Variants in PLVAP observed in about 807,000 individuals in gnomAD.
PLVAP encodes the protein plasmalemma vesicle associated protein.
In PLVAP, 34 loss-of-function variants were observed where a neutral mutation model predicts 43.1. The ratio of observed to expected loss-of-function variants is 0.79; its 90% CI spans 0.60 to 1.05. The LOEUF (loss-of-function observed/expected upper bound fraction) is 1.05. Among genes scored for constraint, PLVAP ranks in the 50% least tolerant of loss-of-function variants. PLVAP has a pLI of 0.00. For missense variants in PLVAP, 574 were observed against 593.4 expected (o/e 0.97, Z 0.34); for synonymous variants, 241 against 237.3 (o/e 1.02, Z -0.14).
intron 5 of PLVAP, among the ~76,000 whole-genome samples, chr19:17,353,239 AT>A (rs942655645): frequency 6.6e-6 from 1 of 151,918 alleles, no homozygotes; most frequent in African/African-American, 2.4e-5. Flanking sequence ...CCCAGACTCC[AT>A]CCTCAACCAG....
chr19:17,358,202 G>A (rs1350271974), intron 5 of PLVAP, among the ~76,000 whole-genome samples: 1 of 150,356 alleles, frequency 6.7e-6, no homozygotes, highest in Non-Finnish European at 1.5e-5. Context: ...GCCATCTAGA[G>A]CAAAGGGGTT....
Position 17,365,568 on chromosome 19 carries a change from G to C in PLVAP, c.897C>G (p.Arg299=). The C allele has an allele frequency of 6.2e-7, 1 of 1,611,838 alleles. No individual in the cohort carries two copies. Among genetic ancestry groups the C allele is most frequent in the Non-Finnish European group, 8.5e-7 (1 of 1,180,012 alleles). ...SLRADIERVA[R]ENSDLQRQKL... ...TCTGGCGTTGGAGGTCTGAGTTCTC[G>C]CGGGCCACGCGTTCGATATCCGCCC... is the stretch of plus-strand genomic sequence containing the variant. The change falls in exon 3 of 6, where the codon CGC becomes CGG. Residue 299 remains arginine, a synonymous_variant. Coordinates refer to ENST00000252590, the MANE Select transcript of PLVAP (RefSeq NM_031310.3).
In PLVAP at chr19:17,365,617, AC is replaced by A. The variant is rs1459313694; in HGVS notation, c.847del (p.Val283TrpfsTer64). On this transcript the variant is annotated frameshift_variant, in exon 3 of 6. Transcript: ENST00000252590. LOFTEE classifies it high-confidence loss of function. ...CCGGAGGCTCCGGGCCAGCTCCTCC[AC>A]CTTGGAGCTCATGAGGCTGGGCATG... ...DHMPSLMSSKVEELARSLRAD... is the reference protein window; with the variant it reads ...DHMPSLMSSKXEELARSLRAD... 5.0e-6 allele frequency: 8 copies of A among 1,613,166 alleles called. No homozygotes were observed. The highest frequency in any genetic ancestry group is 2.7e-5 in the African/African-American group (2 of 74,886).
chr19:17,357,939 C>T (rs556366911), intron 5 of PLVAP, among the ~76,000 whole-genome samples: 63 of 152,342 alleles, frequency 4.1e-4, no homozygotes, highest in African/African-American at 1.4e-3. Context: ...GAGGCCCTGA[C>T]AGTCCTGGGC....
Position 17,352,153 on chromosome 19 carries a change from G to A in PLVAP, c.*209C>T. ...CCGTTGCTTGCGTGACGTCATCTCC[G>A]CGGCCGTGTGCTCTGGGTGAGGGAT... On this transcript the variant is annotated 3_prime_UTR_variant, in exon 6 of 6. Coordinates refer to ENST00000252590, the MANE Select transcript of PLVAP (RefSeq NM_031310.3). The A allele has an allele frequency of 6.3e-6, 4 of 637,644 alleles. No individual in the cohort carries two copies. The South Asian group carries it at 7.8e-5, about 12-fold the overall frequency. 39.5% of individuals were successfully genotyped at this position (637,644 alleles called of 1,614,324 possible).
intron 1 of PLVAP, among the ~76,000 whole-genome samples, chr19:17,369,838 TA>T (rs2074564821): frequency 6.7e-6 from 1 of 149,612 alleles, no homozygotes. Flanking sequence ...CCATCTCTAC[TA>T]AAAATACAAA....
In PLVAP at chr19:17,354,973, G is replaced by T. The variant is rs145118720; in HGVS notation, c.1323-2605C>A. ...TGTGGTGGCCCAGCCTGTAATCCTC[G>T]CACTTTAGGAGGCTGAGGCGGGCAG... On this transcript the variant is annotated intron_variant, in intron 5 of 5. Coordinates refer to ENST00000252590, the MANE Select transcript of PLVAP (RefSeq NM_031310.3). 5.3e-5 allele frequency among the ~76,000 whole-genome samples: 8 copies of T among 151,438 alleles called. No individual in the cohort carries two copies. The East Asian group carries it at 1.4e-3, about 26-fold the overall frequency.
intron 5 of PLVAP, among the ~76,000 whole-genome samples, chr19:17,353,979 A>G (rs961202448): frequency 1.1e-4 from 17 of 152,316 alleles, no homozygotes; most frequent in Middle Eastern, 3.4e-3. Flanking sequence ...GCTCAGAGCC[A>G]GGGCTGGACT....
In PLVAP at chr19:17,374,492, C is replaced by G. The variant is rs75631504; in HGVS notation, c.369+2428G>C. ...ACAAAACAAAACAACAAAAGCTTCT[C>G]CCTACTTCCCGGGATTTGGCAATGA... On this transcript the variant is annotated intron_variant, in intron 1 of 5. Transcript: ENST00000252590. Among the ~76,000 whole-genome samples, 1,000 of 151,928 alleles carry G rather than the reference C, an allele frequency of 6.6e-3. 8 individuals carry two copies. Among genetic ancestry groups the G allele is most frequent in the African/African-American group, 0.022 (930 of 41,528 alleles).
intron 1 of PLVAP, among the ~76,000 whole-genome samples, chr19:17,369,080 AGTCT>A (rs1482992944): frequency 6.6e-6 from 1 of 152,220 alleles, no homozygotes; most frequent in Non-Finnish European, 1.5e-5. Context: ...GGTACCACCC[AGTCT>A]GTAATACCTT....
intron 3 of PLVAP, among the ~76,000 whole-genome samples, chr19:17,361,212 G>A (rs1349855033): frequency 2.0e-5 from 3 of 152,058 alleles, no homozygotes; most frequent in African/African-American, 7.2e-5. Flanking sequence ...CACTGCACCC[G>A]GCCAGGTTCT....
At chr19:17,367,104 G>A (rs1032009582) in intron 1 of PLVAP, among the ~76,000 whole-genome samples, 2 of 151,716 alleles carry the variant, frequency 1.3e-5, no homozygotes, top group South Asian at 4.2e-4. Context: ...CACCACTCCT[G>A]GCCAATTTTT....
rs370989890 is a variant in PLVAP, at chr19:17,377,252, G to C, written c.37C>G (p.Arg13Gly). 1 of 1,613,796 alleles carries C rather than the reference G, an allele frequency of 6.2e-7. No individual in the cohort carries two copies. Among genetic ancestry groups the C allele is most frequent in the Non-Finnish European group, 8.5e-7 (1 of 1,179,868 alleles). The change falls in exon 1 of 6, where the codon CGG becomes GGG. Residue 13 changes from arginine (R) to glycine (G), a missense_variant. By Grantham distance (125) the Arg-to-Gly change is moderately radical (BLOSUM62 -2). Transcript: ENST00000252590. ...CAGCCCCGAGAGCTGCCCCCCGCCC[G>C]AGCGTAGGACCCTCCGTGCTCCATG... ...LAMEHGGSYA[R>G]AGGSSRGCWY...
chr19:17,360,502 C>A, intron 5 of PLVAP, 26 bp downstream of exon 5: 1 of 1,604,884 alleles, frequency 6.2e-7, no homozygotes, highest in Non-Finnish European at 8.5e-7. Context: ...TAAGACTGAA[C>A]AACTGCAGTC....
intron 4 of PLVAP, 22 bp from the exon 5 acceptor site, chr19:17,360,631 G>C: frequency 6.2e-7 from 1 of 1,604,276 alleles, no homozygotes; most frequent in Non-Finnish European, 8.5e-7. Flanking sequence ...GAGAGGTGAG[G>C]CTTGACCTAC....
rs534058238 is a variant in PLVAP at position 17,352,179 on chromosome 19, C to T, written c.*183G>A. On this transcript the variant is annotated 3_prime_UTR_variant, in exon 6 of 6. Coordinates refer to ENST00000252590, the MANE Select transcript of PLVAP (RefSeq NM_031310.3). ...CGGCCGTGTGCTCTGGGTGAGGGAT[C>T]GTGAGGCGCGGGTGCGGGTGTGAGA... 65 of 746,384 alleles carry T rather than the reference C, an allele frequency of 8.7e-5. No homozygotes were observed. In the South Asian group the frequency reaches 1.1e-3, roughly 13 times the overall value. 46.2% of individuals were successfully genotyped at this position (746,384 alleles called of 1,614,324 possible). A position where few individuals can be genotyped will look rare whatever the true frequency, so the allele number is the denominator to read the frequency against.
At chr19:17,352,809 G>C (rs2074491676) in intron 5 of PLVAP, among the ~76,000 whole-genome samples, 3 of 152,096 alleles carry the variant, frequency 2.0e-5, no homozygotes, top group Admixed American at 2.0e-4. Context: ...TCCCTCTTTT[G>C]CCTGCTCCTG....
At chr19:17,355,225 AAATAATAATAAT>A (rs150379358) in intron 5 of PLVAP, among the ~76,000 whole-genome samples, 53 of 139,544 alleles carry the variant, frequency 3.8e-4, no homozygotes, top group Non-Finnish European at 5.8e-4. Flanking sequence ...CTCCATCTCA[AAATAATAATAAT>A]AATAATAATA....
rs564137280 is a variant in PLVAP, at chr19:17,372,545, C to T, written c.369+4375G>A. Among the ~76,000 whole-genome samples, 130 of 150,350 alleles carry T rather than the reference C, an allele frequency of 8.6e-4. 1 individual carries two copies. The East Asian group carries it at 0.025, about 29-fold the overall frequency. ...AATCTCGGCTCACTGCAAGCTCCGCCTCCCGGGTTCATGCCATTCTCCTGC... is the reference window on the plus strand; with the variant it reads ...AATCTCGGCTCACTGCAAGCTCCGCTTCCCGGGTTCATGCCATTCTCCTGC... On this transcript the variant is annotated intron_variant, in intron 1 of 5. Transcript: ENST00000252590.
Sources: gnomAD v4.1 joint callset for allele counts (sites outside exome capture counted in the v4.1 genomes callset) on GRCh38, gnomAD v4.1.1 for gene constraint, MANE v1.5 for transcripts, NCBI Gene and HGNC (gene_info 2026-07-23, HGNC 2026-07-21) for gene names.